ASTN2: variants seen among roughly 807,000 people sequenced by gnomAD.
The protein encoded by ASTN2 is astrotactin 2, also known as astrotactin-2.
A neutral mutation model predicts 139.8 loss-of-function variants in ASTN2; 54 were observed. The observed-to-expected ratio is 0.39, with a 90% CI of 0.31 to 0.48. The LOEUF is 0.48. Ranked by LOEUF, ASTN2 falls within the 20% of genes least tolerant of loss-of-function variation. The probability of loss-of-function intolerance (pLI) is 0.95; values close to 1 mark genes in which losing one functional copy is unlikely to be tolerated. For missense variants in ASTN2, 1,565 were observed against 1,725.1 expected, an observed-to-expected ratio of 0.91 and a Z score of 1.64; for synonymous variants, 756 against 719.5, an observed-to-expected ratio of 1.05 and a Z score of -0.81.
intron 4 of ASTN2, among the ~76,000 whole-genome samples, chr9:117,097,819 T>C (rs1407666862): frequency 6.6e-6 from 1 of 152,222 alleles, no homozygotes; most frequent in African/African-American, 2.4e-5. Context: ...GCATTCAGTA[T>C]ACAGAAATTC....
chr9:117,222,847 C>T (rs916007450), intron 2 of ASTN2, among the ~76,000 whole-genome samples: 3 of 151,800 alleles, frequency 2.0e-5, no homozygotes, highest in African/African-American at 7.3e-5. Context: ...CTTAGCTGCC[C>T]TACAGGTTAG....
chr9:116,623,147 CTGTG>C (rs10527124), intron 17 of ASTN2, among the ~76,000 whole-genome samples: 7,584 of 136,582 alleles, frequency 0.056, 221 homozygotes, highest in East Asian at 0.12. Context: ...AGAGCATACT[CTGTG>C]TGTGTGTGTG....
chr9:117,061,018 T>C (rs919897588), intron 5 of ASTN2, among the ~76,000 whole-genome samples: 2 of 152,170 alleles, frequency 1.3e-5, no homozygotes, highest in Non-Finnish European at 2.9e-5. Context: ...AGAGTCAGTT[T>C]ACCAGCATAC....
At chr9:117,048,151 G>C (rs1225415504) in intron 5 of ASTN2, among the ~76,000 whole-genome samples, 4 of 152,124 alleles carry the variant, frequency 2.6e-5, no homozygotes, top group African/African-American at 9.7e-5. Context: ...TGTAGCCTGG[G>C]CAGAGCAGAA....
intron 13 of ASTN2, among the ~76,000 whole-genome samples, chr9:116,780,426 G>A (rs1396546582): frequency 6.6e-6 from 1 of 152,166 alleles, no homozygotes. Context: ...CCACTCTGCT[G>A]TATTCACCGT....
chr9:117,235,909 C>T (rs1346586209), intron 2 of ASTN2, among the ~76,000 whole-genome samples: 1 of 152,140 alleles, frequency 6.6e-6, no homozygotes, highest in East Asian at 1.9e-4. Context: ...TATTTTCATA[C>T]CAATTGTGCA....
At chr9:116,985,824 G>T (rs1188369894) in intron 7 of ASTN2, among the ~76,000 whole-genome samples, 1 of 152,112 alleles carries the variant, frequency 6.6e-6, no homozygotes, top group Non-Finnish European at 1.5e-5. Context: ...CACCCTCACT[G>T]CACGCCAGAG....
intron 19 of ASTN2, among the ~76,000 whole-genome samples, chr9:116,525,420 A>C (rs112904344): frequency 2.0e-5 from 3 of 152,336 alleles, no homozygotes; most frequent in African/African-American, 7.2e-5. Context: ...GCACCAGAGC[A>C]TGGGAGCAGG....
At chr9:116,447,156 C>G (rs1848025252) in intron 20 of ASTN2, among the ~76,000 whole-genome samples, 1 of 152,158 alleles carries the variant, frequency 6.6e-6, no homozygotes, top group Non-Finnish European at 1.5e-5. Flanking sequence ...GTGGCACTCT[C>G]TGGCTGAGTC....
chr9:117,169,877 G>A (rs1318852453), intron 3 of ASTN2, among the ~76,000 whole-genome samples: 2 of 152,120 alleles, frequency 1.3e-5, no homozygotes, highest in African/African-American at 4.8e-5. Context: ...AAGAGAAAGT[G>A]CCTCTGAACA....
chr9:117,239,867 G>A (rs548782569), intron 2 of ASTN2, among the ~76,000 whole-genome samples: 19 of 152,140 alleles, frequency 1.2e-4, no homozygotes, highest in Admixed American at 3.3e-4. Context: ...TTTGCTGTGT[G>A]TTTACTAGGT....
chr9:117,061,845 GA>G (rs1403445481), intron 5 of ASTN2, among the ~76,000 whole-genome samples: 1 of 152,046 alleles, frequency 6.6e-6, no homozygotes, highest in African/African-American at 2.4e-5. Context: ...GGGAGAGTTG[GA>G]AAAAAATCAA....
At chr9:116,509,975 T>C (rs1309418340) in intron 19 of ASTN2, among the ~76,000 whole-genome samples, 2 of 152,216 alleles carry the variant, frequency 1.3e-5, no homozygotes, top group Non-Finnish European at 2.9e-5. Context: ...ACTCTGATGG[T>C]AGTTTCTTTT....
At chr9:117,145,761 A>G (rs1444361653) in intron 3 of ASTN2, among the ~76,000 whole-genome samples, 3 of 152,140 alleles carry the variant, frequency 2.0e-5, no homozygotes, top group Non-Finnish European at 4.4e-5. Context: ...AAAAAATCCC[A>G]TTTGAAGATG....
chr9:117,401,764 T>C (rs534088254), intron 1 of ASTN2, among the ~76,000 whole-genome samples: 167 of 152,324 alleles, frequency 1.1e-3, no homozygotes, highest in African/African-American at 3.8e-3. Flanking sequence ...AGTACATTTT[T>C]ATTTATAGGT....
intron 17 of ASTN2, among the ~76,000 whole-genome samples, chr9:116,648,731 C>A (rs936342847): frequency 5.9e-5 from 9 of 152,158 alleles, no homozygotes; most frequent in African/African-American, 2.2e-4. Flanking sequence ...CACTAATCTA[C>A]CACCAAAAAC....
chr9:116,717,130 C>T (rs1828333252), intron 16 of ASTN2, among the ~76,000 whole-genome samples: 1 of 152,194 alleles, frequency 6.6e-6, no homozygotes, highest in African/African-American at 2.4e-5. Context: ...GCTTGACTTA[C>T]AGACTTTTTG....
intron 6 of ASTN2, among the ~76,000 whole-genome samples, chr9:117,009,990 C>G (rs1210383715): frequency 6.6e-6 from 1 of 152,138 alleles, no homozygotes; most frequent in Non-Finnish European, 1.5e-5. Context: ...CTAATTCACA[C>G]ACATCATATG....
rs149909469 is a variant in ASTN2, at chr9:117,154,220, A to T, written c.1016-12742T>A. 1.2e-3 allele frequency among the ~76,000 whole-genome samples: 182 copies of T among 152,224 alleles called. 1 individual carries two copies. Among genetic ancestry groups the T allele is most frequent in the Non-Finnish European group, 2.2e-3 (149 of 67,988 alleles). On this transcript the variant is annotated intron_variant, in intron 3 of 22. Coordinates refer to ENST00000313400, the MANE Select transcript of ASTN2 (RefSeq NM_001365068.1). ...AAATAGACTGGCTAAATATATAGAC[A>T]ATAATGGATTGAGGCTAAGTTGGCG...
Sources: allele counts gnomAD v4.1 joint callset (sites outside exome capture counted in the v4.1 genomes callset), GRCh38; gene constraint gnomAD v4.1.1; transcripts MANE v1.5; gene names NCBI Gene and HGNC (gene_info 2026-07-23, HGNC 2026-07-21).